NFU1: variants seen among roughly 807,000 people sequenced by gnomAD.
NFU1 encodes NFU1 iron-sulfur cluster scaffold.
NFU1 carries 30 observed loss-of-function variants against 32.2 expected under a neutral mutation model. That is an observed-to-expected ratio of 0.93 (90% CI 0.70 to 1.26). The LOEUF is 1.26. NFU1 is among the 50% of genes most tolerant of loss of function. NFU1 has a pLI of 0.00. For synonymous variants in NFU1, 112 were observed against 104.6 expected (o/e 1.07, Z -0.43); for missense variants, 306 against 306.6 (o/e 1.00, Z 0.02).
At chr2:69,427,190 AGCC>A (rs1673487255) in intron 2 of NFU1, among the ~76,000 whole-genome samples, 2 of 150,466 alleles carry the variant, frequency 1.3e-5, no homozygotes, top group Admixed American at 1.3e-4. Context: ...GTTCCTGACC[AGCC>A]TGGCCAACAT....
chr2:69,437,607 G>A (rs1413967266), upstream of NFU1: 4 of 725,242 alleles, frequency 5.5e-6, no homozygotes, highest in African/African-American at 3.5e-5. Context: ...CCCTGACCAA[G>A]AGAGGCCGGG....
At chr2:69,414,640 A>C (rs1243471818) in intron 5 of NFU1, among the ~76,000 whole-genome samples, 1 of 151,164 alleles carries the variant, frequency 6.6e-6, no homozygotes, top group Non-Finnish European at 1.5e-5. Context: ...AAAAAAAAAA[A>C]AACAGAGATT....
rs539930507 is a variant in NFU1 at position 69,412,655 on chromosome 2, G to C, written c.484+2530C>G. On this transcript the variant is annotated intron_variant, in intron 5 of 7. Transcript: ENST00000410022. ...CCGCCTCGGCCTCCCAAATTCCTGGGATTACAGGCGTGAGCCACCACGCCC... is the reference window on the plus strand; with the variant it reads ...CCGCCTCGGCCTCCCAAATTCCTGGCATTACAGGCGTGAGCCACCACGCCC... 2.0e-5 allele frequency among the ~76,000 whole-genome samples: 3 copies of C among 152,202 alleles called. No individual in the cohort carries two copies. In the South Asian group the frequency reaches 6.2e-4, roughly 32 times the overall value.
chr2:69,399,668 A>G (rs1251540601), intron 7 of NFU1, among the ~76,000 whole-genome samples: 2 of 152,080 alleles, frequency 1.3e-5, no homozygotes, highest in Admixed American at 6.6e-5. Flanking sequence ...TTCTTCCACT[A>G]AAGATTTCTA....
chr2:69,407,521 A>G (rs1672735307), intron 5 of NFU1, among the ~76,000 whole-genome samples: 1 of 151,472 alleles, frequency 6.6e-6, no homozygotes, highest in South Asian at 2.1e-4. Context: ...TACTAAAAAT[A>G]CAAAAATTAG....
chr2:69,415,323 C>T, intron 4 of NFU1, 24 bp from the exon 5 acceptor site: 1 of 1,422,638 alleles, frequency 7.0e-7, no homozygotes. Context: ...AAGGAAAATG[C>T]TGTATTTCCA....
intron 4 of NFU1, chr2:69,416,159 A>G (rs1673043304): frequency 6.6e-6 from 1 of 151,308 alleles, no homozygotes; most frequent in Non-Finnish European, 1.5e-5. Context: ...CTATATACAC[A>G]CTATACCTAT....
Position 69,400,042 on chromosome 2 carries a change from T to C in NFU1, c.720+322A>G, listed in dbSNP as rs546159798. On this transcript the variant is annotated intron_variant, in intron 7 of 7. Coordinates refer to ENST00000410022, the MANE Select transcript of NFU1 (RefSeq NM_001002755.4). ...CGTCTGCCACCATGCCCAGCTAATT[T>C]TGTATTTTTAGTAGAGACGGGGTTT... 1.1e-4 allele frequency among the ~76,000 whole-genome samples: 16 copies of C among 152,262 alleles called. No individual in the cohort carries two copies. In the South Asian group the frequency reaches 3.1e-3, roughly 30 times the overall value.
At chr2:69,412,968 T>G (rs1672935184) in intron 5 of NFU1, among the ~76,000 whole-genome samples, 1 of 152,120 alleles carries the variant, frequency 6.6e-6, no homozygotes, top group Middle Eastern at 3.4e-3. Context: ...ATGAAACTCT[T>G]AACACTCAGT....
At chr2:69,437,704 G>A, upstream of NFU1, 1 of 559,510 alleles carries the variant, frequency 1.8e-6, no homozygotes, top group East Asian at 3.1e-5. Context: ...TTCCCTGTTG[G>A]CTAGGTTTTT....
At chr2:69,406,319 G>A (rs187948356) in intron 5 of NFU1, among the ~76,000 whole-genome samples, 128 of 152,314 alleles carry the variant, frequency 8.4e-4, no homozygotes, top group Non-Finnish European at 1.5e-3. Context: ...ATAAAGATGA[G>A]TACACTAAAA....
intron 3 of NFU1, among the ~76,000 whole-genome samples, chr2:69,422,562 G>C (rs897809190): frequency 6.6e-6 from 1 of 151,782 alleles, no homozygotes; most frequent in Non-Finnish European, 1.5e-5. Context: ...TTAAAAATCA[G>C]ATTTTTTAAG....
chr2:69,424,597 ATTAT>A (rs1174707610), intron 2 of NFU1, among the ~76,000 whole-genome samples: 1 of 151,974 alleles, frequency 6.6e-6, no homozygotes, highest in Non-Finnish European at 1.5e-5. Context: ...CAATACACTG[ATTAT>A]TTAAATAGTT....
Position 69,396,146 on chromosome 2 carries a change from A to G in NFU1, c.*100T>C, listed in dbSNP as rs1430739098. ...TTATATATCATTCTCTGAAGAGCAT[A>G]TTTTATTAATCTTCAAGTTCCTCAG... On this transcript the variant is annotated 3_prime_UTR_variant, in exon 8 of 8. Coordinates refer to ENST00000410022, the MANE Select transcript of NFU1 (RefSeq NM_001002755.4). 1.5e-5 allele frequency: 14 copies of G among 950,370 alleles called. No individual in the cohort carries two copies. The highest frequency in any genetic ancestry group is 2.3e-5 in the Non-Finnish European group (14 of 600,248). The allele number at this position is 950,370 out of a possible 1,614,324, so 58.9% of individuals were successfully genotyped here.
At chr2:69,408,404 G>A (rs1451987447) in intron 5 of NFU1, among the ~76,000 whole-genome samples, 4 of 152,128 alleles carry the variant, frequency 2.6e-5, no homozygotes, top group East Asian at 1.9e-4. Flanking sequence ...TAACAATCCC[G>A]CAACATATTT....
intron 7 of NFU1, among the ~76,000 whole-genome samples, chr2:69,397,231 C>T (rs1672368474): frequency 6.6e-6 from 1 of 151,400 alleles, no homozygotes; most frequent in African/African-American, 2.4e-5. Flanking sequence ...AAATGAATCC[C>T]CAAGGAAAGT....
At position 69,396,210 on chromosome 2, in the gene NFU1, G is replaced by A; in HGVS notation, c.*36C>T. 5.8e-6 allele frequency: 9 copies of A among 1,552,144 alleles called. No homozygotes were observed. The highest frequency in any genetic ancestry group is 3.6e-6 in the Non-Finnish European group (4 of 1,125,586). Reference sequence around the variant, plus strand: ...AAAACTTGATATATATTATCAACAAGTCTGACTGTTATGCCCAAAGAAAAT... The same window carrying A: ...AAAACTTGATATATATTATCAACAAATCTGACTGTTATGCCCAAAGAAAAT... On this transcript the variant is annotated 3_prime_UTR_variant, in exon 8 of 8. Transcript: ENST00000410022.
intron 7 of NFU1, among the ~76,000 whole-genome samples, chr2:69,400,017 C>T (rs1456143181): frequency 6.6e-6 from 1 of 152,102 alleles, no homozygotes; most frequent in Non-Finnish European, 1.5e-5. Flanking sequence ...GGATTACAGG[C>T]GTCTGCCACC....
intron 3 of NFU1, among the ~76,000 whole-genome samples, chr2:69,423,109 T>A (rs373631740): frequency 4.4e-4 from 61 of 137,228 alleles, no homozygotes; most frequent in African/African-American, 1.6e-3. Context: ...TCTGAGTAGC[T>A]GAGACCAGAG....
Sources: gnomAD v4.1 joint callset for allele counts (sites outside exome capture counted in the v4.1 genomes callset) on GRCh38, gnomAD v4.1.1 for gene constraint, MANE v1.5 for transcripts, NCBI Gene and HGNC (gene_info 2026-07-23, HGNC 2026-07-21) for gene names.